Variants in ARHGAP28 observed in about 807,000 individuals in gnomAD.
ARHGAP28 encodes the protein Rho GTPase activating protein 28, also known as rho GTPase-activating protein 28.
A neutral mutation model predicts 90.7 loss-of-function variants in ARHGAP28; 56 were observed. The observed-to-expected ratio is 0.62, with a 90% CI of 0.50 to 0.77. The LOEUF (loss-of-function observed/expected upper bound fraction) is 0.77. ARHGAP28 is among the 30% of genes least tolerant of loss of function. The pLI is 0.00. For missense variants in ARHGAP28, 869 were observed against 900.9 expected (o/e 0.96, Z 0.45); for synonymous variants, 308 against 323.3 (o/e 0.95, Z 0.51).
intron 2 of ARHGAP28, among the ~76,000 whole-genome samples, chr18:6,831,979 A>C (rs1341727862): frequency 6.6e-6 from 1 of 152,104 alleles, no homozygotes; most frequent in African/African-American, 2.4e-5. Flanking sequence ...CTTTGAAAAC[A>C]AATTAGTAAA....
At chr18:6,837,626 A>G (rs372020728) in intron 3 of ARHGAP28, among the ~76,000 whole-genome samples, 1 of 152,164 alleles carries the variant, frequency 6.6e-6, no homozygotes, top group Non-Finnish European at 1.5e-5. Flanking sequence ...ATCTCCCTCA[A>G]TACTAAACTT....
At chr18:6,862,091 TCTTTTAGAAA>T (rs1170169262) in intron 5 of ARHGAP28, among the ~76,000 whole-genome samples, 1 of 152,208 alleles carries the variant, frequency 6.6e-6, no homozygotes, top group Non-Finnish European at 1.5e-5. Context: ...ACTCAGAGTA[TCTTTTAGAAA>T]AGGTAAACAA....
At chr18:6,838,597 C>T (rs1201853860) in intron 3 of ARHGAP28, among the ~76,000 whole-genome samples, 1 of 152,230 alleles carries the variant, frequency 6.6e-6, no homozygotes, top group South Asian at 2.1e-4. Context: ...ACTACCAACA[C>T]TTTAAATGTG....
chr18:6,739,855 CTTTTT>C (rs145660239), intron 1 of ARHGAP28, among the ~76,000 whole-genome samples: 1 of 134,826 alleles, frequency 7.4e-6, no homozygotes. Flanking sequence ...CATAAGAATT[CTTTTT>C]TTTTTTTTTT....
chr18:6,871,285 G>T (rs1439771500), intron 7 of ARHGAP28, among the ~76,000 whole-genome samples: 2 of 152,158 alleles, frequency 1.3e-5, no homozygotes, highest in Non-Finnish European at 2.9e-5. Flanking sequence ...TTTTACAAAT[G>T]AAATAGGATT....
chr18:6,825,085 G>T (rs1233548737), intron 2 of ARHGAP28, 121 bp downstream of exon 2: 3 of 937,088 alleles, frequency 3.2e-6, no homozygotes, highest in African/African-American at 3.3e-5. Context: ...GTAGAATCTG[G>T]CATATTGATG....
intron 3 of ARHGAP28, among the ~76,000 whole-genome samples, chr18:6,843,331 T>A (rs951386527): frequency 2.0e-5 from 3 of 152,194 alleles, no homozygotes; most frequent in Admixed American, 2.0e-4. Flanking sequence ...AGGGTCTGCC[T>A]GGCCTCTTTG....
In ARHGAP28 at chr18:6,868,289, G is replaced by A; in HGVS notation, c.811+55G>A. 3.4e-6 allele frequency: 5 copies of A among 1,474,760 alleles called. No individual in the cohort carries two copies. In the Admixed American group the frequency reaches 8.4e-5, roughly 25 times the overall value. 91.4% of individuals were successfully genotyped at this position (1,474,760 alleles called of 1,614,324 possible). ...GCTGTGTCTTCTCGCTTTTGTTCTG[G>A]CACTCAATACAGTTAGCAGTGAATT... is the stretch of plus-strand genomic sequence containing the variant. On this transcript the variant is annotated intron_variant, in intron 6 of 17. Transcript: ENST00000383472.
Position 6,868,172 on chromosome 18 carries a change from T to C in ARHGAP28, c.749T>C (p.Val250Ala), listed in dbSNP as rs1231874227. 4 of 1,614,112 alleles carry C rather than the reference T, an allele frequency of 2.5e-6. No individual in the cohort carries two copies. In the South Asian group the frequency reaches 4.4e-5, roughly 18 times the overall value. Residue 250 changes from valine (V) to alanine (A), a missense_variant, in exon 6 of 18, where the codon GTT becomes GCT. Physicochemically the swap from Val to Ala is moderately conservative, Grantham distance 64. Transcript: ENST00000383472. Reference sequence around the variant, plus strand: ...CAGGCTATACTTGAGACCATTCCAGTTCTACCAGTTCATTCCAATGGATCA... The same window carrying C: ...CAGGCTATACTTGAGACCATTCCAGCTCTACCAGTTCATTCCAATGGATCA... ...DSVAILETIP[V>A]LPVHSNGSPE...
intron 16 of ARHGAP28, chr18:6,898,541 C>G: frequency 1.2e-6 from 2 of 1,613,998 alleles, no homozygotes; most frequent in Non-Finnish European, 1.7e-6. Flanking sequence ...AACATGTATT[C>G]CTCTTCACTA....
chr18:6,905,274 C>T (rs2057359210), intron 16 of ARHGAP28, among the ~76,000 whole-genome samples: 1 of 151,704 alleles, frequency 6.6e-6, no homozygotes, highest in Non-Finnish European at 1.5e-5. Flanking sequence ...ATTAAAAAAT[C>T]AATCAATGTA....
chr18:6,759,451 T>C (rs4483926), intron 1 of ARHGAP28, among the ~76,000 whole-genome samples: 95,920 of 152,066 alleles, frequency 0.63, 31,307 homozygotes, highest in Middle Eastern at 0.72. Context: ...TGGTGGTTCT[T>C]TAATTTGTTT....
At chr18:6,796,826 A>G (rs1171289608) in intron 1 of ARHGAP28, among the ~76,000 whole-genome samples, 2 of 152,192 alleles carry the variant, frequency 1.3e-5, no homozygotes, top group Non-Finnish European at 2.9e-5. Flanking sequence ...GTGTGTACAC[A>G]CATACACACA....
chr18:6,912,107 A>G lies in ARHGAP28; in HGVS notation c.2143A>G (p.Ile715Val), dbSNP rs757971413. 4.3e-6 allele frequency: 7 copies of G among 1,609,446 alleles called. No homozygotes were observed. The highest frequency in any genetic ancestry group is 1.7e-5 in the Admixed American group (1 of 59,768). ...TGCTTATATATTGGATGTATATCGT[A>G]TAAATCCTCAAGCAGAATGGGTGAT... Reference protein sequence around the residue: ...PDAYILDVYRINPQAEWVIKP... With the variant: ...PDAYILDVYRVNPQAEWVIKP... The change falls in exon 18 of 18, where the codon ATA becomes GTA. Residue 715 changes from isoleucine (I) to valine (V), a missense_variant. Physicochemically the swap from Ile to Val is conservative, Grantham distance 29 (BLOSUM62 3). Coordinates refer to ENST00000383472, the MANE Select transcript of ARHGAP28 (RefSeq NM_001366230.1).
chr18:6,868,678 G>A (rs1040652911), intron 6 of ARHGAP28, among the ~76,000 whole-genome samples: 4 of 152,056 alleles, frequency 2.6e-5, no homozygotes, highest in African/African-American at 9.7e-5. Context: ...GGGCTCCCTA[G>A]ATGGGCTAGG....
At chr18:6,737,964 G>A (rs747563872) in intron 1 of ARHGAP28, among the ~76,000 whole-genome samples, 9 of 152,114 alleles carry the variant, frequency 5.9e-5, no homozygotes, top group Non-Finnish European at 1.2e-4. Flanking sequence ...TCCAAGGGTG[G>A]GAGAACATAT....
chr18:6,872,530 A>C (rs139102473), intron 7 of ARHGAP28, among the ~76,000 whole-genome samples: 40 of 152,310 alleles, frequency 2.6e-4, no homozygotes, highest in African/African-American at 9.1e-4. Context: ...AAAGCTTTAT[A>C]ATTTAAATTT....
chr18:6,748,466 A>T (rs1600148438), intron 1 of ARHGAP28, among the ~76,000 whole-genome samples: 1 of 152,184 alleles, frequency 6.6e-6, no homozygotes, highest in East Asian at 1.9e-4. Context: ...GGAGGCTGCC[A>T]TCTGTGTTGT....
intron 1 of ARHGAP28, among the ~76,000 whole-genome samples, chr18:6,731,199 G>GC (rs2055878819): frequency 6.6e-6 from 1 of 152,084 alleles, no homozygotes; most frequent in Admixed American, 6.5e-5. Context: ...ATATAAACTG[G>GC]CATTTGTCTT....
Sources: allele counts gnomAD v4.1 joint callset (sites outside exome capture counted in the v4.1 genomes callset), GRCh38; gene constraint gnomAD v4.1.1; transcripts MANE v1.5; gene names NCBI Gene and HGNC (gene_info 2026-07-23, HGNC 2026-07-21).